RTL9: variants seen among roughly 807,000 people sequenced by gnomAD.
RTL9 encodes the protein retrotransposon Gag like 9, also known as retrotransposon Gag-like protein 9.
Under a neutral mutation model 44.7 loss-of-function variants are expected in RTL9, and 19 were observed. The ratio of observed to expected loss-of-function variants is 0.42; its 90% CI spans 0.30 to 0.62. The LOEUF is 0.62. Ranked by LOEUF, RTL9 falls within the 20% of genes least tolerant of loss-of-function variation. RTL9 has a pLI of 0.16. For synonymous variants in RTL9, 407 were observed against 398.9 expected, an observed-to-expected ratio of 1.02 and a Z score of -0.24; for missense variants, 1,105 against 1,080.6, an observed-to-expected ratio of 1.02 and a Z score of -0.32.
At chrX:110,433,736 C>A (rs1255076286) in intron 1 of RTL9, among the ~76,000 whole-genome samples, 4 of 111,969 alleles carry the variant, frequency 3.6e-5, no homozygotes. Context: ...TGTTAACTAG[C>A]CTTTCTTCTT....
intron 1 of RTL9, among the ~76,000 whole-genome samples, chrX:110,387,055 G>A (rs1346690909): frequency 8.9e-6 from 1 of 112,215 alleles, no homozygotes; most frequent in African/African-American, 3.2e-5. Context: ...GGTGGTCAGG[G>A]GAAGCTTTAA....
exon 1 of RTL9, chrX:110,453,769 G>A: frequency 2.5e-6 from 3 of 1,211,223 alleles, no homozygotes; most frequent in Non-Finnish European, 3.4e-6. Context: ...ACAGCCTCTG[G>A]ATGTGGCATG....
At chrX:110,416,790 A>G (rs1406751799), upstream of RTL9, among the ~76,000 whole-genome samples, 7 of 112,202 alleles carry the variant, frequency 6.2e-5, no homozygotes, top group Admixed American at 4.7e-4. Flanking sequence ...CTATAGCAAG[A>G]CTAGCTTAGA....
chrX:110,392,428 C>T (rs976317860), intron 1 of RTL9, among the ~76,000 whole-genome samples: 5 of 110,226 alleles, frequency 4.5e-5, no homozygotes, highest in African/African-American at 1.3e-4. Context: ...AGTCATGTGC[C>T]GTCATGCCTG....
rs771183261 is a variant in RTL9 at position 110,454,088 on chromosome X, A to T, written c.3471A>T (p.Ala1157=). 5 of 1,212,221 alleles carry T rather than the reference A, an allele frequency of 4.1e-6. No individual in the cohort carries two copies. In the South Asian group the frequency reaches 5.3e-5, roughly 13 times the overall value. ...GCTACCTCTTAGAAGAGCAGGAAGC[A>T]GCCCGGGGCTCATGCTCTGTGGAGG... Residue 1157 remains alanine (A), a synonymous_variant, in exon 1 of 2, where the codon GCA becomes GCT. Coordinates refer to ENST00000540313, the Ensembl canonical transcript of RTL9.
chrX:110,441,402 T>C (rs1385561556), intron 1 of RTL9, among the ~76,000 whole-genome samples: 1 of 112,033 alleles, frequency 8.9e-6, no homozygotes, highest in East Asian at 2.8e-4. Flanking sequence ...ATGAGCTTCA[T>C]GTCTAGGAGT....
chrX:110,405,679 T>C (rs778348149), intron 1 of RTL9, among the ~76,000 whole-genome samples: 62 of 111,947 alleles, frequency 5.5e-4, no homozygotes, highest in African/African-American at 1.9e-3. Flanking sequence ...AAGGTATCTC[T>C]ATTAATCTTC....
intron 1 of RTL9, among the ~76,000 whole-genome samples, chrX:110,375,017 G>A (rs1304241292): frequency 9.0e-6 from 1 of 111,663 alleles, no homozygotes; most frequent in Non-Finnish European, 1.9e-5. Flanking sequence ...AAGGCTGGGT[G>A]AAGTAATGCA....
chrX:110,446,813 A>C (rs921923838), upstream of RTL9, among the ~76,000 whole-genome samples: 1 of 112,105 alleles, frequency 8.9e-6, no homozygotes, highest in Admixed American at 9.5e-5. Context: ...TTGTGTTCTA[A>C]CATTAGACAC....
At chrX:110,426,548 A>G in intron 1 of RTL9, 1 of 112,534 alleles carries the variant, frequency 8.9e-6, no homozygotes, top group East Asian at 2.8e-4. Context: ...AAGAAGAGAT[A>G]TGAATTCCTT....
chrX:110,394,857 TC>T (rs1214176079), intron 1 of RTL9, among the ~76,000 whole-genome samples: 3 of 112,875 alleles, frequency 2.7e-5, no homozygotes, highest in Non-Finnish European at 5.6e-5. Flanking sequence ...GAGGAGGCCA[TC>T]CCTCTATATG....
At chrX:110,437,873 G>A (rs978027940) in intron 1 of RTL9, among the ~76,000 whole-genome samples, 2 of 111,415 alleles carry the variant, frequency 1.8e-5, no homozygotes, top group African/African-American at 6.5e-5. Context: ...CTTGTTCAGT[G>A]ACTCAGGTAA....
chrX:110,451,571 A>G, exon 1 of RTL9: 2 of 1,211,746 alleles, frequency 1.7e-6, no homozygotes, highest in Non-Finnish European at 2.2e-6. Context: ...CAGGCTCTGA[A>G]GTAATGTCCA....
At chrX:110,381,771 A>G (rs1469133419) in intron 1 of RTL9, among the ~76,000 whole-genome samples, 1 of 111,181 alleles carries the variant, frequency 9.0e-6, no homozygotes, top group African/African-American at 3.3e-5. Flanking sequence ...CCTTTATGGG[A>G]ACATGGATGC....
At chrX:110,426,002 GCACACACA>G (rs201141674) in intron 1 of RTL9, among the ~76,000 whole-genome samples, 1 of 107,493 alleles carries the variant, frequency 9.3e-6, no homozygotes, top group Admixed American at 9.9e-5. Context: ...ACACACAAAC[GCACACACA>G]CACACACACA....
chrX:110,452,838 G>T (rs759639771), exon 1 of RTL9: 2 of 1,210,970 alleles, frequency 1.7e-6, no homozygotes, highest in East Asian at 5.9e-5. Context: ...GTCCATGACC[G>T]CTGGAGGGAT....
At chrX:110,405,815 G>A (rs1007757698) in intron 1 of RTL9, among the ~76,000 whole-genome samples, 2 of 111,726 alleles carry the variant, frequency 1.8e-5, no homozygotes, top group South Asian at 3.8e-4. Flanking sequence ...GAACTTAAAC[G>A]CAGATCCACC....
intron 1 of RTL9, among the ~76,000 whole-genome samples, chrX:110,383,932 C>T (rs2148277827): frequency 8.9e-6 from 1 of 111,977 alleles, no homozygotes; most frequent in Non-Finnish European, 1.9e-5. Context: ...CCAATTACTT[C>T]GCCTTTCTTT....
At chrX:110,380,963 A>G (rs2068414486) in intron 1 of RTL9, among the ~76,000 whole-genome samples, 1 of 112,543 alleles carries the variant, frequency 8.9e-6, no homozygotes, top group South Asian at 3.6e-4. Context: ...TAAAGACTTA[A>G]ATGTAAGACT....
Sources: allele counts gnomAD v4.1 joint callset (sites outside exome capture counted in the v4.1 genomes callset), GRCh38; gene constraint gnomAD v4.1.1; transcripts MANE v1.5; gene names NCBI Gene and HGNC (gene_info 2026-07-23, HGNC 2026-07-21).